Variants in KCNJ1 observed in about 807,000 individuals in gnomAD.
KCNJ1 encodes the protein ATP-sensitive inward rectifier potassium channel 1.
KCNJ1 carries 24 observed loss-of-function variants against 21.9 expected under a neutral mutation model. The ratio of observed to expected loss-of-function variants is 1.10; its 90% confidence interval spans 0.79 to 1.54. KCNJ1 has a LOEUF of 1.54. Among genes scored for constraint, KCNJ1 ranks in the 40% most tolerant of loss-of-function variants. KCNJ1 has a pLI of 0.00. For missense variants in KCNJ1, 457 were observed against 455.4 expected (o/e 1.00, Z -0.03); for synonymous variants, 152 against 160.9 (o/e 0.94, Z 0.42).
rs188249669 is a variant in KCNJ1 at position 128,839,676 on chromosome 11, G to A, written c.568C>T (p.Leu190Phe). Reference protein sequence around the residue: ...VISKRGGKLCLLIRVANLRKS... With the variant: ...VISKRGGKLCFLIRVANLRKS... ...CTGAGATTAGCCACTCGGATTAGGA[G>A]GCAAAGCTTCCCTCCCCGTTTGCTG... The change falls in exon 3 of 3, where the codon CTC becomes TTC. Residue 190 changes from leucine to phenylalanine, a missense_variant. Transcript: ENST00000392666. The A allele has an allele frequency of 8.9e-5, 143 of 1,613,348 alleles. No homozygotes were observed. The East Asian group carries it at 2.4e-3, about 27-fold the overall frequency.
intron 1 of KCNJ1, among the ~76,000 whole-genome samples, chr11:128,854,808 C>T (rs991281224): frequency 3.9e-5 from 6 of 152,208 alleles, no homozygotes; most frequent in African/African-American, 1.4e-4. Context: ...TTTGATGACA[C>T]ACCTGCAGGG....
chr11:128,858,155 GGAGGGATGGCGAGGGATGGC>G (rs1191322323), intron 1 of KCNJ1, among the ~76,000 whole-genome samples: 5 of 150,622 alleles, frequency 3.3e-5, no homozygotes, highest in African/African-American at 9.8e-5. Context: ...CGAGGGTTGG[GGAGGGATGGCGAGGGATGGC>G]GAGGGATGGG....
At chr11:128,844,662 T>G (rs544806929) in intron 2 of KCNJ1, among the ~76,000 whole-genome samples, 14 of 152,340 alleles carry the variant, frequency 9.2e-5, no homozygotes, top group African/African-American at 3.1e-4. Context: ...GCAGAAGCTC[T>G]TCTTCCACAG....
rs774306787 is a variant in KCNJ1, at chr11:128,840,207, AG to A, written c.36del (p.Phe14LeufsTer10). ...FKHLRKWVVT[R>X]FFGHSRQRAR... ...GCTCTTTGCCGAGAATGCCCAAAAA[AG>A]CGAGTGACGACCCATTTCCGAAGAT... is the stretch of plus-strand genomic sequence containing the variant. On this transcript the variant is annotated frameshift_variant, in exon 3 of 3. Transcript: ENST00000392666. LOFTEE classifies it high-confidence loss of function. The A allele has an allele frequency of 6.2e-7, 1 of 1,614,210 alleles. No individual in the cohort carries two copies. Among genetic ancestry groups the A allele is most frequent in the Admixed American group, 1.7e-5 (1 of 60,028 alleles).
chr11:128,849,197 C>T (rs1462971851), intron 2 of KCNJ1, among the ~76,000 whole-genome samples: 1 of 152,200 alleles, frequency 6.6e-6, no homozygotes, highest in Non-Finnish European at 1.5e-5. Context: ...TCCAAGGTCA[C>T]AAAGCAGAAA....
chr11:128,850,020 T>C (rs140934851), intron 2 of KCNJ1, among the ~76,000 whole-genome samples: 1 of 152,214 alleles, frequency 6.6e-6, no homozygotes, highest in Non-Finnish European at 1.5e-5. Flanking sequence ...ACTGAGGTCA[T>C]GTCCAGGAAG....
chr11:128,850,593 A>T (rs1200619791), intron 2 of KCNJ1, 128 bp downstream of exon 2: 8 of 240,472 alleles, frequency 3.3e-5, no homozygotes, highest in Non-Finnish European at 5.4e-5. Flanking sequence ...GTACTTGCAG[A>T]ACCTGCAAGG....
intron 2 of KCNJ1, among the ~76,000 whole-genome samples, chr11:128,845,177 C>T (rs1355533218): frequency 2.6e-5 from 4 of 152,228 alleles, no homozygotes; most frequent in Admixed American, 2.0e-4. Context: ...ATTAAACAAA[C>T]ACATTATTTA....
intron 1 of KCNJ1, among the ~76,000 whole-genome samples, chr11:128,866,265 G>T (rs1461178438): frequency 6.6e-6 from 1 of 152,168 alleles, no homozygotes; most frequent in Non-Finnish European, 1.5e-5. Flanking sequence ...GCCCAGGGAA[G>T]GCAGCGTGCA....
rs181545075 is a variant in KCNJ1 at position 128,862,114 on chromosome 11, C to G, written c.-192+5059G>C. Among the ~76,000 whole-genome samples the G allele has an allele frequency of 6.7e-3, 1,022 of 152,300 alleles. 7 individuals are homozygous for G. Among genetic ancestry groups the G allele is most frequent in the Non-Finnish European group, 9.0e-3 (609 of 68,020 alleles). On this transcript the variant is annotated intron_variant, in intron 1 of 2. Coordinates refer to ENST00000392666, the MANE Select transcript of KCNJ1 (RefSeq NM_153766.3). Reference sequence around the variant, plus strand: ...CCCAGTCTCTCCACCCCTTTCCCCACTGCCACAAGATACTTAAGGGGCAAC... The same window carrying G: ...CCCAGTCTCTCCACCCCTTTCCCCAGTGCCACAAGATACTTAAGGGGCAAC...
chr11:128,858,536 T>C (rs1041746062), intron 1 of KCNJ1, among the ~76,000 whole-genome samples: 1 of 152,178 alleles, frequency 6.6e-6, no homozygotes, highest in Non-Finnish European at 1.5e-5. Context: ...AGACAAGATG[T>C]ATAAAAGAGA....
In KCNJ1 at chr11:128,839,366, G is replaced by A; in HGVS notation, c.878C>T (p.Thr293Ile). The change falls in exon 3 of 3, where the codon ACA becomes ATA. Residue 293 changes from threonine (T) to isoleucine (I), a missense_variant. Transcript: ENST00000392666. ...AAGCACCTCCTCTGGGACATAGGAT[G>A]TCCGGACTTGGCAGGTAGCACTGGT... ...ESTSATCQVR[T>I]SYVPEEVLWG... The A allele has an allele frequency of 6.2e-7, 1 of 1,614,196 alleles. No homozygotes were observed. The highest frequency in any genetic ancestry group is 8.5e-7 in the Non-Finnish European group (1 of 1,180,022).
intron 1 of KCNJ1, among the ~76,000 whole-genome samples, chr11:128,854,451 G>A (rs527695325): frequency 3.8e-4 from 58 of 151,924 alleles, no homozygotes; most frequent in African/African-American, 1.3e-3. Context: ...TCAAAACCCC[G>A]CCTTGCCCCA....
At chr11:128,852,541 T>C (rs1943494335) in intron 1 of KCNJ1, among the ~76,000 whole-genome samples, 1 of 152,228 alleles carries the variant, frequency 6.6e-6, no homozygotes, top group Admixed American at 6.5e-5. Flanking sequence ...CACCCTCCCA[T>C]GTTCAAGTGC....
intron 1 of KCNJ1, among the ~76,000 whole-genome samples, chr11:128,857,420 C>T (rs137988942): frequency 1.0e-3 from 159 of 152,260 alleles, no homozygotes; most frequent in East Asian, 6.0e-3. Flanking sequence ...GACAGCAGCC[C>T]GTCTTGCCTT....
chr11:128,839,840 G>A lies in KCNJ1; in HGVS notation c.404C>T (p.Ala135Val). ...YGFRCVTEQC[A>V]TAIFLLIFQS... ...AAAGATAAGCAGAAAAATGGCAGTG[G>A]CACACTGTTCTGTCACACACCTGAA... The change falls in exon 3 of 3, where the codon GCC becomes GTC. Residue 135 changes from alanine (A) to valine (V), a missense_variant. Coordinates refer to ENST00000392666, the MANE Select transcript of KCNJ1 (RefSeq NM_153766.3). 1.9e-6 allele frequency: 3 copies of A among 1,614,062 alleles called. No homozygotes were observed. The highest frequency in any genetic ancestry group is 2.5e-6 in the Non-Finnish European group (3 of 1,179,912).
At chr11:128,850,078 C>CG (rs398018030) in intron 2 of KCNJ1, among the ~76,000 whole-genome samples, 111 of 152,208 alleles carry the variant, frequency 7.3e-4, no homozygotes, top group African/African-American at 2.5e-3. Flanking sequence ...AGGGCCCCCC[C>CG]GCCTCCAACC....
At chr11:128,842,924 C>A (rs1260012662) in intron 2 of KCNJ1, among the ~76,000 whole-genome samples, 2 of 152,138 alleles carry the variant, frequency 1.3e-5, no homozygotes, top group Non-Finnish European at 2.9e-5. Flanking sequence ...ATTTACAAGA[C>A]AAAAGTAAGA....
At chr11:128,843,163 C>T (rs1265275622) in intron 2 of KCNJ1, among the ~76,000 whole-genome samples, 2 of 152,158 alleles carry the variant, frequency 1.3e-5, no homozygotes, top group African/African-American at 2.4e-5. Context: ...TAAATTCATC[C>T]ACTAACCAAA....
Sources: allele counts gnomAD v4.1 joint callset (sites outside exome capture counted in the v4.1 genomes callset), GRCh38; gene constraint gnomAD v4.1.1; transcripts MANE v1.5; gene names NCBI Gene and HGNC (gene_info 2026-07-23, HGNC 2026-07-21).